Variants in STK35 observed in about 807,000 individuals in gnomAD.
The protein encoded by STK35 is serine/threonine kinase 35, also known as serine/threonine-protein kinase 35.
STK35 carries 17 observed loss-of-function variants against 37.3 expected under a neutral mutation model. That is an observed-to-expected ratio of 0.46 (90% CI 0.31 to 0.68). The LOEUF is 0.68. Ranked by LOEUF, STK35 falls within the 30% of genes least tolerant of loss-of-function variation. The pLI is 0.05. For missense variants in STK35, 595 were observed against 746.7 expected (o/e 0.80, Z 2.37); for synonymous variants, 385 against 319.1 (o/e 1.21, Z -2.20).
intron 1 of STK35, 127 bp downstream of exon 1, chr20:2,102,302 A>G (rs947724599): frequency 4.8e-6 from 6 of 1,260,244 alleles, no homozygotes; most frequent in Non-Finnish European, 5.2e-6. Flanking sequence ...TTTTCAGCCA[A>G]TCCCTTCTAC....
chr20:2,104,390 C>A (rs1327755689), intron 2 of STK35, among the ~76,000 whole-genome samples: 1 of 152,170 alleles, frequency 6.6e-6, no homozygotes, highest in Non-Finnish European at 1.5e-5. Flanking sequence ...TAAATTCTAT[C>A]CTTTTTCTAT....
At chr20:2,120,698 A>T (rs1985801837) in intron 3 of STK35, among the ~76,000 whole-genome samples, 1 of 152,220 alleles carries the variant, frequency 6.6e-6, no homozygotes, top group African/African-American at 2.4e-5. Flanking sequence ...GTTCTTTGGA[A>T]ACTCTTTCCA....
intron 1 of STK35, 83 bp from the exon 2 acceptor site, chr20:2,102,685 A>G: frequency 8.2e-7 from 1 of 1,214,202 alleles, no homozygotes; most frequent in Admixed American, 4.0e-5. Flanking sequence ...CGGCCGGGGG[A>G]GGAGGAGGTG....
Position 2,145,511 on chromosome 20 carries a change from T to C in STK35, c.*1765T>C, listed in dbSNP as rs535383337. The C allele has an allele frequency of 2.6e-5, 4 of 152,296 alleles. No individual in the cohort carries two copies. Among genetic ancestry groups the C allele is most frequent in the African/African-American group, 9.6e-5 (4 of 41,548 alleles). The allele number at this position is 152,296 out of a possible 1,614,324, so 9.4% of individuals were successfully genotyped here. On this transcript the variant is annotated 3_prime_UTR_variant, in exon 4 of 4. Transcript: ENST00000381482. ...ATCAGGCCAGGCTCAGCAATATGTT[T>C]GCTCACATTCTTTCAGCCTTCTGTC...
At position 2,145,919 on chromosome 20, in the gene STK35, T is replaced by C. The variant is rs1230798460; in HGVS notation, c.*2173T>C. On this transcript the variant is annotated 3_prime_UTR_variant, in exon 4 of 4. Transcript: ENST00000381482. Reference sequence around the variant, plus strand: ...GCCTAATGAGCCCCTTATTTTCTTTTTTTTCCCTCCCCAGGTCTAGTAGCT... The same window carrying C: ...GCCTAATGAGCCCCTTATTTTCTTTCTTTTCCCTCCCCAGGTCTAGTAGCT... 1.3e-5 allele frequency: 2 copies of C among 152,130 alleles called. No homozygotes were observed. The highest frequency in any genetic ancestry group is 2.9e-5 in the Non-Finnish European group (2 of 68,022). 9.4% of individuals were successfully genotyped at this position (152,130 alleles called of 1,614,324 possible).
chr20:2,103,618 T>C (rs1985453810), intron 2 of STK35, among the ~76,000 whole-genome samples: 1 of 152,194 alleles, frequency 6.6e-6, no homozygotes, highest in African/African-American at 2.4e-5. Flanking sequence ...ATTAACTTAA[T>C]AAGTGCTCAA....
At chr20:2,135,162 T>C (rs1473439466) in intron 3 of STK35, among the ~76,000 whole-genome samples, 1 of 152,236 alleles carries the variant, frequency 6.6e-6, no homozygotes, top group African/African-American at 2.4e-5. Context: ...CAGTTCCTCT[T>C]AGTAGGTTGC....
At chr20:2,140,450 C>G (rs1986154527) in intron 3 of STK35, among the ~76,000 whole-genome samples, 1 of 152,210 alleles carries the variant, frequency 6.6e-6, no homozygotes, top group Non-Finnish European at 1.5e-5. Flanking sequence ...TGCTTAAACT[C>G]AGAACCATGT....
chr20:2,116,421 C>G (rs897718154), intron 2 of STK35, among the ~76,000 whole-genome samples: 1 of 152,140 alleles, frequency 6.6e-6, no homozygotes, highest in East Asian at 1.9e-4. Flanking sequence ...AAAAAGGCTT[C>G]GCAGTCAACC....
intron 3 of STK35, among the ~76,000 whole-genome samples, chr20:2,122,791 C>T (rs996784360): frequency 1.3e-5 from 2 of 152,196 alleles, no homozygotes; most frequent in Non-Finnish European, 2.9e-5. Context: ...TTCCATTTCC[C>T]TCTGAAGACA....
At chr20:2,141,126 C>A (rs1986165747) in intron 3 of STK35, among the ~76,000 whole-genome samples, 3 of 152,248 alleles carry the variant, frequency 2.0e-5, no homozygotes, top group Admixed American at 2.0e-4. Context: ...TAAATACCCT[C>A]TTCCCCCATC....
intron 3 of STK35, among the ~76,000 whole-genome samples, chr20:2,131,768 G>T (rs1172769418): frequency 6.7e-6 from 1 of 150,190 alleles, no homozygotes; most frequent in Non-Finnish European, 1.5e-5. Flanking sequence ...CCAGGCTGGA[G>T]TGCAGTGGCA....
rs10713601 is a variant in STK35 at position 2,143,958 on chromosome 20, CTTT to C, written c.*222_*224del. The stretch of plus-strand genomic sequence containing the variant: ...TGCTTTATTTTTTTCCTTTTCTTTT[CTTT>C]TTTTTTTTTCCTCTTTCCTTTTTTT... On this transcript the variant is annotated 3_prime_UTR_variant, in exon 4 of 4. Transcript: ENST00000381482. The C allele has an allele frequency of 1.1e-5, 2 of 190,180 alleles. No individual in the cohort carries two copies. Among genetic ancestry groups the C allele is most frequent in the African/African-American group, 3.4e-5 (1 of 29,438 alleles). 11.8% of individuals were successfully genotyped at this position (190,180 alleles called of 1,614,324 possible).
In STK35 at chr20:2,116,703, T is replaced by A; in HGVS notation, c.930T>A (p.Tyr310Ter). ...RILGYAEEPC[Y>*]LWFVMEFCEG... is the part of the protein sequence containing the mutation. The stretch of plus-strand genomic sequence containing the variant: ...TGGGTTATGCTGAGGAGCCCTGCTA[T>A]CTCTGGTTTGTCATGGAGTTCTGTG... Residue 310 changes from tyrosine to a stop codon, truncating the protein, a stop_gained, in exon 3 of 4, where the codon TAT becomes TAA. Coordinates refer to ENST00000381482, the MANE Select transcript of STK35 (RefSeq NM_080836.4). LOFTEE classifies it high-confidence loss of function. The A allele has an allele frequency of 6.2e-7, 1 of 1,614,182 alleles. No homozygotes were observed. Among genetic ancestry groups the A allele is most frequent in the Non-Finnish European group, 8.5e-7 (1 of 1,180,014 alleles).
intron 3 of STK35, among the ~76,000 whole-genome samples, chr20:2,121,805 T>C (rs1985823633): frequency 6.6e-6 from 1 of 152,060 alleles, no homozygotes; most frequent in South Asian, 2.1e-4. Context: ...GACTTGATCA[T>C]TGGATTTAGT....
At chr20:2,102,225 T>C (rs919459589) in intron 1 of STK35, 50 bp downstream of exon 1, 2 of 1,367,944 alleles carry the variant, frequency 1.5e-6, no homozygotes, top group East Asian at 5.9e-5. Flanking sequence ...CTGGAGTTAC[T>C]GCCACTGCCT....
At chr20:2,107,826 C>T (rs1487232067) in intron 2 of STK35, among the ~76,000 whole-genome samples, 3 of 151,992 alleles carry the variant, frequency 2.0e-5, no homozygotes, top group African/African-American at 7.3e-5. Flanking sequence ...TTTAGAGAGC[C>T]GCCAGGTCAA....
chr20:2,122,139 G>T (rs1396798298), intron 3 of STK35, among the ~76,000 whole-genome samples: 2 of 152,170 alleles, frequency 1.3e-5, no homozygotes, highest in African/African-American at 4.8e-5. Context: ...TTTGAGACCA[G>T]CCTGGGCAAC....
intron 3 of STK35, among the ~76,000 whole-genome samples, chr20:2,127,724 A>G (rs966125300): frequency 6.6e-6 from 1 of 152,102 alleles, no homozygotes; most frequent in African/African-American, 2.4e-5. Context: ...CAGAGAGCAC[A>G]TAGCTCCTTC....
Sources: gnomAD v4.1 joint callset for allele counts (sites outside exome capture counted in the v4.1 genomes callset) on GRCh38, gnomAD v4.1.1 for gene constraint, MANE v1.5 for transcripts, NCBI Gene and HGNC (gene_info 2026-07-23, HGNC 2026-07-21) for gene names.